DOCK8: variants seen among roughly 807,000 people sequenced by gnomAD.
The protein encoded by DOCK8 is dedicator of cytokinesis protein 8.
Under a neutral mutation model 245.6 loss-of-function variants are expected in DOCK8, and 141 were observed. The ratio of observed to expected loss-of-function variants is 0.57; its 90% CI spans 0.50 to 0.66. The LOEUF (loss-of-function observed/expected upper bound fraction) is 0.66, where lower values mean the gene tolerates loss of function less well. Among genes scored for constraint, DOCK8 ranks in the 30% least tolerant of loss-of-function variants. The pLI is 0.00. For synonymous variants in DOCK8, 1,168 were observed against 970.2 expected, an observed-to-expected ratio of 1.20 and a Z score of -3.79; for missense variants, 2,965 against 2,603.4, an observed-to-expected ratio of 1.14 and a Z score of -3.02.
At chr9:260,544 CACAA>C (rs1210122112) in intron 1 of DOCK8, among the ~76,000 whole-genome samples, 9 of 152,276 alleles carry the variant, frequency 5.9e-5, no homozygotes, top group Admixed American at 3.9e-4. Flanking sequence ...AGGACTAATA[CACAA>C]ACACTTTCAC....
intron 47 of DOCK8, 91 bp downstream of exon 47, chr9:463,778 G>A: frequency 6.7e-7 from 1 of 1,496,498 alleles, no homozygotes; most frequent in Non-Finnish European, 9.2e-7. Context: ...TGCACTTGGG[G>A]AGCTGCAGAA....
intron 3 of DOCK8, 129 bp from the exon 4 acceptor site, chr9:289,381 G>T: frequency 1.3e-6 from 1 of 747,014 alleles, no homozygotes; most frequent in East Asian, 2.8e-5. Context: ...GGAATGATTG[G>T]GCAAGAACAT....
In DOCK8 at chr9:328,019, C is replaced by T. The variant is rs1211716364; in HGVS notation, c.895-3C>T. On this transcript the variant is annotated splice_region_variant and splice_polypyrimidine_tract_variant and intron_variant, in intron 8 of 47. Coordinates refer to ENST00000432829, the MANE Select transcript of DOCK8 (RefSeq NM_203447.4). ...TATATTTCACTTTGCTGCTCATTTA[C>T]AGATCTCAGAAAATTTTCACTGTGA... is the stretch of plus-strand genomic sequence containing the variant. The T allele has an allele frequency of 6.2e-7, 1 of 1,613,734 alleles. No homozygotes were observed. The highest frequency in any genetic ancestry group is 2.2e-5 in the East Asian group (1 of 44,884).
At position 449,934 on chromosome 9, in the gene DOCK8, A is replaced by G; in HGVS notation, c.5961+7A>G. On this transcript the variant is annotated splice_region_variant and intron_variant, in intron 45 of 47. Coordinates refer to ENST00000432829, the MANE Select transcript of DOCK8 (RefSeq NM_203447.4). The stretch of plus-strand genomic sequence containing the variant: ...GGGAGCTACTGTAAATCAGGTAAGC[A>G]AAACCAGAGGTGGCAGCTCCTCTGG... The G allele has an allele frequency of 1.9e-6, 3 of 1,613,748 alleles. No individual in the cohort carries two copies. The highest frequency in any genetic ancestry group is 2.5e-6 in the Non-Finnish European group (3 of 1,179,958).
chr9:264,770 T>TA (rs1310335800), intron 1 of DOCK8, among the ~76,000 whole-genome samples: 2 of 152,190 alleles, frequency 1.3e-5, no homozygotes, highest in African/African-American at 4.8e-5. Context: ...GAAAAAGCCT[T>TA]AGATTTCTTT....
chr9:338,227 G>T (rs1335185968), intron 12 of DOCK8, among the ~76,000 whole-genome samples: 1 of 152,072 alleles, frequency 6.6e-6, no homozygotes, highest in Admixed American at 6.6e-5. Flanking sequence ...AAATAAACTC[G>T]CTTGGTCTGA....
At chr9:460,524 T>C (rs1413357087) in intron 46 of DOCK8, 2 of 152,218 alleles carry the variant, frequency 1.3e-5, no homozygotes, top group Non-Finnish European at 2.9e-5. Context: ...GTGATATAGA[T>C]TTCTCAGGAT....
intron 14 of DOCK8, among the ~76,000 whole-genome samples, chr9:366,967 A>G (rs2053033020): frequency 6.6e-6 from 1 of 152,128 alleles, no homozygotes; most frequent in South Asian, 2.1e-4. Flanking sequence ...TATGAGCATG[A>G]CTCTGGAACT....
chr9:407,120 C>G (rs1400111159), intron 28 of DOCK8, 51 bp downstream of exon 28: 3 of 1,612,506 alleles, frequency 1.9e-6, no homozygotes, highest in South Asian at 1.1e-5. Flanking sequence ...AACAGATGTT[C>G]TTTAATAAAA....
intron 28 of DOCK8, among the ~76,000 whole-genome samples, chr9:408,305 C>T (rs190019512): frequency 6.6e-6 from 1 of 152,320 alleles, no homozygotes; most frequent in East Asian, 1.9e-4. Context: ...CCCAGGCTGA[C>T]ACCGCTGAAG....
intron 33 of DOCK8, among the ~76,000 whole-genome samples, chr9:424,779 T>A (rs1043651887): frequency 6.6e-6 from 1 of 152,238 alleles, no homozygotes; most frequent in African/African-American, 2.4e-5. Context: ...TACTTAACAC[T>A]ACTGAACTGT....
chr9:381,642 T>G (rs2053724014), intron 21 of DOCK8, among the ~76,000 whole-genome samples: 1 of 152,002 alleles, frequency 6.6e-6, no homozygotes. Context: ...AATCTGAAAA[T>G]TTGATTGAGT....
At chr9:221,747 G>T (rs181073197) in intron 1 of DOCK8, among the ~76,000 whole-genome samples, 48 of 151,740 alleles carry the variant, frequency 3.2e-4, no homozygotes, top group African/African-American at 7.3e-4. Flanking sequence ...GCTTGAACCT[G>T]GGAGGCGGAA....
intron 15 of DOCK8, chr9:368,525 G>A (rs2053125824): frequency 3.8e-6 from 2 of 522,306 alleles, no homozygotes; most frequent in African/African-American, 3.8e-5. Flanking sequence ...CACACACAGT[G>A]TTACACACTT....
intron 3 of DOCK8, among the ~76,000 whole-genome samples, chr9:287,226 T>G (rs17721011): frequency 6.6e-6 from 1 of 152,130 alleles, no homozygotes; most frequent in South Asian, 2.1e-4. Context: ...AGAATAAATA[T>G]GTGAATAGCT....
rs192237060 is a variant in DOCK8 at position 246,093 on chromosome 9, C to A, written c.54-25534C>A. On this transcript the variant is annotated intron_variant, in intron 1 of 47. Transcript: ENST00000432829. ...AAAATTGGCCAGGCATAGTGGCGTACCTGTAGTTCCAGCTACTTGGGAGGC... is the reference window on the plus strand; with the variant it reads ...AAAATTGGCCAGGCATAGTGGCGTAACTGTAGTTCCAGCTACTTGGGAGGC... 7.9e-5 allele frequency among the ~76,000 whole-genome samples: 12 copies of A among 152,136 alleles called. No individual in the cohort carries two copies. In the East Asian group the frequency reaches 1.4e-3, roughly 17 times the overall value.
intron 26 of DOCK8, among the ~76,000 whole-genome samples, chr9:403,991 T>C (rs1435884247): frequency 1.1e-5 from 1 of 90,108 alleles, no homozygotes; most frequent in African/African-American, 5.8e-5. Context: ...TATATATATA[T>C]GTGTATATAT....
At chr9:284,203 G>A (rs1459024732) in intron 2 of DOCK8, among the ~76,000 whole-genome samples, 1 of 152,158 alleles carries the variant, frequency 6.6e-6, no homozygotes, top group East Asian at 1.9e-4. Flanking sequence ...GTCCTATGGA[G>A]GTGTCTGTGG....
intron 18 of DOCK8, 125 bp from the exon 19 acceptor site, chr9:376,085 T>G (rs2053503054): frequency 2.6e-6 from 2 of 759,836 alleles, no homozygotes; most frequent in Non-Finnish European, 4.7e-6. Flanking sequence ...ACAGTTAGAT[T>G]AGTTTTCAAG....
Sources: gnomAD v4.1 joint callset for allele counts (sites outside exome capture counted in the v4.1 genomes callset) on GRCh38, gnomAD v4.1.1 for gene constraint, MANE v1.5 for transcripts, NCBI Gene and HGNC (gene_info 2026-07-23, HGNC 2026-07-21) for gene names.